Variants in IREB2 observed in about 807,000 individuals in gnomAD.
The protein encoded by IREB2 is iron responsive element binding protein 2, also known as iron-responsive element-binding protein 2.
IREB2 carries 39 observed loss-of-function variants against 118.8 expected under a neutral mutation model. The observed-to-expected ratio is 0.33, with a 90% confidence interval of 0.25 to 0.43. The LOEUF (loss-of-function observed/expected upper bound fraction) is 0.43, where lower values mean the gene tolerates loss of function less well. IREB2 is among the 20% of genes least tolerant of loss of function. The probability of loss-of-function intolerance (pLI) is 1.00; values close to 1 mark genes in which losing one functional copy is unlikely to be tolerated. For synonymous variants in IREB2, 372 were observed against 392.2 expected, an observed-to-expected ratio of 0.95 and a Z score of 0.61; for missense variants, 900 against 1,147.3, an observed-to-expected ratio of 0.78 and a Z score of 3.11.
chr15:78,466,972 T>G (rs2051293430), intron 5 of IREB2, among the ~76,000 whole-genome samples: 1 of 152,074 alleles, frequency 6.6e-6, no homozygotes, highest in African/African-American at 2.4e-5. Flanking sequence ...ATCCTAGCAC[T>G]TTGGGAGGCC....
In IREB2 at chr15:78,441,232, A is replaced by C. The variant is rs2050839624; in HGVS notation, c.106+1351A>C. Among the ~76,000 whole-genome samples, 9 of 152,090 alleles carry C rather than the reference A, an allele frequency of 5.9e-5. No individual in the cohort carries two copies. The South Asian group carries it at 1.9e-3, about 32-fold the overall frequency. Reference sequence around the variant, plus strand: ...CCATTTTAGAATTAGGCTGTCATTTAAAAATAAACAGTTTGCCAAAATGAG... The same window carrying C: ...CCATTTTAGAATTAGGCTGTCATTTCAAAATAAACAGTTTGCCAAAATGAG... On this transcript the variant is annotated intron_variant, in intron 2 of 21. Transcript: ENST00000258886.
At chr15:78,459,836 G>T (rs866837417) in intron 2 of IREB2, among the ~76,000 whole-genome samples, 2 of 151,898 alleles carry the variant, frequency 1.3e-5, no homozygotes, top group African/African-American at 2.4e-5. Context: ...CCATTTTTAT[G>T]TTGAAAAACC....
At chr15:78,465,039 G>C (rs1213965521) in intron 3 of IREB2, among the ~76,000 whole-genome samples, 1 of 152,034 alleles carries the variant, frequency 6.6e-6, no homozygotes, top group Non-Finnish European at 1.5e-5. Flanking sequence ...TATTATTTTT[G>C]GCATATTTGC....
At chr15:78,473,212 G>A (rs2051408526) in intron 7 of IREB2, 30 bp from the exon 8 acceptor site, 3 of 1,600,754 alleles carry the variant, frequency 1.9e-6, no homozygotes, top group Non-Finnish European at 2.6e-6. Flanking sequence ...TAAATATACT[G>A]TGCTAATATA....
chr15:78,494,827 C>T lies in IREB2; in HGVS notation c.2595+563C>T, dbSNP rs537340157. 3.3e-5 allele frequency among the ~76,000 whole-genome samples: 5 copies of T among 152,346 alleles called. No individual in the cohort carries two copies. The South Asian group carries it at 8.3e-4, about 25-fold the overall frequency. On this transcript the variant is annotated intron_variant, in intron 20 of 21. Transcript: ENST00000258886. ...GGCTCAAGTGATCCTCCCGCTGTGG[C>T]CTCCCAGGGTGCTGGGATTACAGGC...
At chr15:78,440,358 C>CTCTTT (rs963901567) in intron 2 of IREB2, among the ~76,000 whole-genome samples, 1 of 142,234 alleles carries the variant, frequency 7.0e-6, no homozygotes, top group Non-Finnish European at 1.5e-5. Context: ...ATTTTATTTT[C>CTCTTT]TCTTTTCTTT....
intron 7 of IREB2, 46 bp from the exon 8 acceptor site, chr15:78,473,196 G>T (rs374626987): frequency 6.4e-7 from 1 of 1,563,588 alleles, no homozygotes; most frequent in Non-Finnish European, 8.8e-7. Flanking sequence ...AGAGATAAAT[G>T]ATCTTTAAAT....
chr15:78,485,593 T>C (rs1459284175), intron 12 of IREB2, 112 bp from the exon 13 acceptor site: 1 of 1,095,734 alleles, frequency 9.1e-7, no homozygotes, highest in Non-Finnish European at 1.3e-6. Context: ...AGTAAGTTTA[T>C]GAATTCATAC....
At chr15:78,444,111 G>T (rs772712799) in intron 2 of IREB2, among the ~76,000 whole-genome samples, 7 of 152,086 alleles carry the variant, frequency 4.6e-5, no homozygotes, top group Non-Finnish European at 8.8e-5. Flanking sequence ...TGGCTGGAGT[G>T]CTCTGACATG....
At chr15:78,471,465 TTCC>T (rs1448957732) in intron 6 of IREB2, among the ~76,000 whole-genome samples, 1 of 152,244 alleles carries the variant, frequency 6.6e-6, no homozygotes, top group Non-Finnish European at 1.5e-5. Context: ...TGAGCCTTTC[TTCC>T]TTCTCATTCC....
chr15:78,460,443 A>G (rs1480657849), intron 2 of IREB2, among the ~76,000 whole-genome samples: 1 of 152,186 alleles, frequency 6.6e-6, no homozygotes, highest in Non-Finnish European at 1.5e-5. Context: ...ACTAAGGGCT[A>G]CTTATATATT....
intron 2 of IREB2, among the ~76,000 whole-genome samples, chr15:78,455,576 A>AG (rs1390173599): frequency 2.5e-5 from 1 of 40,756 alleles, no homozygotes; most frequent in East Asian, 6.5e-4. Flanking sequence ...ATTGAAAAAA[A>AG]AAAGAAAAAA....
upstream of IREB2, chr15:78,438,082 G>A (rs536718193): frequency 8.6e-5 from 42 of 488,294 alleles, no homozygotes; most frequent in African/African-American, 7.5e-4. Context: ...GCGACGGCGC[G>A]AGAAATCGCT....
At chr15:78,451,912 C>G (rs1165615455) in intron 2 of IREB2, among the ~76,000 whole-genome samples, 1 of 152,164 alleles carries the variant, frequency 6.6e-6, no homozygotes. Flanking sequence ...ATCCACTCGC[C>G]TCAACCTCCC....
chr15:78,466,149 C>G (rs757649912), intron 4 of IREB2, 122 bp from the exon 5 acceptor site: 1 of 585,874 alleles, frequency 1.7e-6, no homozygotes, highest in African/African-American at 1.9e-5. Flanking sequence ...TTAAATGATA[C>G]ATTAGCCTTT....
At chr15:78,484,706 T>C in intron 11 of IREB2, 55 bp from the exon 12 acceptor site, 1 of 1,299,960 alleles carries the variant, frequency 7.7e-7, no homozygotes. Context: ...TGCCAGTCTT[T>C]TATTCTGTAC....
chr15:78,462,686 A>T (rs556378143), intron 2 of IREB2, among the ~76,000 whole-genome samples: 2 of 152,210 alleles, frequency 1.3e-5, no homozygotes, highest in African/African-American at 4.8e-5. Flanking sequence ...TCTTGTATGA[A>T]GGTTTTTATC....
intron 2 of IREB2, among the ~76,000 whole-genome samples, chr15:78,452,377 G>A (rs559161407): frequency 3.9e-5 from 6 of 152,234 alleles, no homozygotes; most frequent in East Asian, 3.9e-4. Flanking sequence ...TCCTGAATCG[G>A]GCATGTGGTT....
intron 7 of IREB2, among the ~76,000 whole-genome samples, chr15:78,473,026 C>G (rs913282522): frequency 6.6e-6 from 1 of 151,994 alleles, no homozygotes; most frequent in East Asian, 1.9e-4. Flanking sequence ...TAATATTTTA[C>G]CTTGAATATA....
Sources: gnomAD v4.1 joint callset for allele counts (sites outside exome capture counted in the v4.1 genomes callset) on GRCh38, gnomAD v4.1.1 for gene constraint, MANE v1.5 for transcripts, NCBI Gene and HGNC (gene_info 2026-07-23, HGNC 2026-07-21) for gene names.